Variants in GPHN observed in about 807,000 individuals in gnomAD.
GPHN encodes the protein gephyrin.
In GPHN, 17 loss-of-function variants were observed where a neutral mutation model predicts 95.5. The ratio of observed to expected loss-of-function variants is 0.18; its 90% CI spans 0.12 to 0.27. The LOEUF (loss-of-function observed/expected upper bound fraction) is 0.27. Ranked by LOEUF, GPHN falls within the 10% of genes least tolerant of loss-of-function variation. GPHN has a pLI of 1.00. For missense variants in GPHN, 660 were observed against 978.1 expected, an observed-to-expected ratio of 0.67 and a Z score of 4.34; for synonymous variants, 320 against 322.5, an observed-to-expected ratio of 0.99 and a Z score of 0.08.
At chr14:67,237,108 A>T in the GPHN span, among the ~76,000 whole-genome samples, 10 of 151,298 alleles carry the variant, frequency 6.6e-5, 1 homozygote, top group Admixed American at 5.9e-4. Context: ...AAAATATATT[A>T]TATATATATA....
chr14:66,745,305 A>C (rs980340436), intron 2 of GPHN, among the ~76,000 whole-genome samples: 1 of 152,068 alleles, frequency 6.6e-6, no homozygotes, highest in African/African-American at 2.4e-5. Flanking sequence ...CCTTCTCTCT[A>C]TATATAACTT....
chr14:66,631,241 G>T (rs1041641352), intron 1 of GPHN, among the ~76,000 whole-genome samples: 2 of 151,898 alleles, frequency 1.3e-5, no homozygotes, highest in Admixed American at 1.3e-4. Flanking sequence ...TAGAGACGAG[G>T]TTTCACCATG....
the GPHN span, chr14:67,715,327 G>A: frequency 6.6e-6 from 1 of 152,248 alleles, no homozygotes; most frequent in Non-Finnish European, 1.5e-5. Context: ...GTCATGCTGA[G>A]TATTCTTTAA....
the GPHN span, among the ~76,000 whole-genome samples, chr14:67,469,216 T>A: frequency 6.6e-6 from 1 of 152,290 alleles, no homozygotes; most frequent in South Asian, 2.1e-4. Flanking sequence ...GTCTACTCCA[T>A]CCAGAAAAGC....
At chr14:67,651,576 C>G in the GPHN span, 138 of 1,391,570 alleles carry the variant, frequency 9.9e-5, no homozygotes, top group African/African-American at 1.7e-3. Context: ...GCTGGATACT[C>G]TGAGGCTGTA....
At chr14:67,077,773 C>T (rs898871404) in intron 11 of GPHN, among the ~76,000 whole-genome samples, 3 of 152,118 alleles carry the variant, frequency 2.0e-5, no homozygotes, top group Admixed American at 2.0e-4. Flanking sequence ...CTACTAACAA[C>T]ATAAAAAGAC....
chr14:66,735,331 A>G (rs1027538962), intron 2 of GPHN, among the ~76,000 whole-genome samples: 5 of 152,190 alleles, frequency 3.3e-5, no homozygotes, highest in Non-Finnish European at 7.4e-5. Flanking sequence ...GGTTTTGCAC[A>G]GTTAACTGTG....
intron 2 of GPHN, among the ~76,000 whole-genome samples, chr14:66,740,019 A>G (rs921716800): frequency 1.3e-5 from 2 of 152,182 alleles, no homozygotes; most frequent in African/African-American, 4.8e-5. Context: ...ATACAATTGA[A>G]GAGAGAAATA....
the GPHN span, among the ~76,000 whole-genome samples, chr14:67,243,267 G>C: frequency 7.6e-5 from 11 of 145,472 alleles, no homozygotes; most frequent in Non-Finnish European, 1.5e-4. Context: ...GCTCACTGCA[G>C]TCTCCACCTC....
the GPHN span, among the ~76,000 whole-genome samples, chr14:67,536,431 T>C: frequency 6.6e-6 from 1 of 151,782 alleles, no homozygotes; most frequent in Non-Finnish European, 1.5e-5. Context: ...GTGGAAGTCA[T>C]ACAGATACTC....
intron 1 of GPHN, among the ~76,000 whole-genome samples, chr14:66,630,771 C>A (rs2063765410): frequency 6.6e-6 from 1 of 152,136 alleles, no homozygotes; most frequent in African/African-American, 2.4e-5. Context: ...TGCGCCCAGC[C>A]ATCAGAATCC....
At chr14:67,581,961 G>A in the GPHN span, 7,064 of 1,112,198 alleles carry the variant, frequency 6.4e-3, 53 homozygotes, top group Non-Finnish European at 6.6e-3. Context: ...TAAATAGTGG[G>A]AAAAGAGTAC....
intron 3 of GPHN, among the ~76,000 whole-genome samples, chr14:66,798,357 G>A (rs1201268382): frequency 2.0e-5 from 3 of 151,654 alleles, no homozygotes; most frequent in Non-Finnish European, 3.0e-5. Context: ...GTATTCCCTC[G>A]TCTATTTTTC....
the GPHN span, among the ~76,000 whole-genome samples, chr14:67,299,444 T>C: frequency 6.6e-6 from 1 of 152,210 alleles, no homozygotes; most frequent in Admixed American, 6.5e-5. Context: ...ACATTTAACA[T>C]ACATCATTTT....
At chr14:67,246,583 C>T in the GPHN span, among the ~76,000 whole-genome samples, 1 of 151,628 alleles carries the variant, frequency 6.6e-6, no homozygotes, top group South Asian at 2.1e-4. Context: ...ACAAGGGATC[C>T]TTCCACCTCA....
chr14:67,175,194 G>C (rs2082861173), intron 21 of GPHN, among the ~76,000 whole-genome samples: 1 of 152,086 alleles, frequency 6.6e-6, no homozygotes, highest in Non-Finnish European at 1.5e-5. Flanking sequence ...TTTCTTCTAG[G>C]GTTTTTCTGG....
chr14:66,944,985 A>G (rs112961123), intron 8 of GPHN, among the ~76,000 whole-genome samples: 2,303 of 152,348 alleles, frequency 0.015, 33 homozygotes, highest in Non-Finnish European at 0.018. Context: ...TCTACCCTCC[A>G]AAGAGGTCTG....
At chr14:67,413,649 A>G in the GPHN span, among the ~76,000 whole-genome samples, 1 of 151,108 alleles carries the variant, frequency 6.6e-6, no homozygotes, top group South Asian at 2.1e-4. Flanking sequence ...CCCCAACCCC[A>G]CTCCCACCTG....
Position 67,165,190 on chromosome 14 carries a change from A to T in GPHN, c.1939A>T (p.Ile647Phe), listed in dbSNP as rs754046367. The change falls in exon 20 of 23, where the codon ATT becomes TTT. Residue 647 changes from isoleucine (I) to phenylalanine (F), a missense_variant. Physicochemically the swap from Ile to Phe is conservative, Grantham distance 21 (BLOSUM62 0). Around this residue, in one of 6 missense-constraint regions of GPHN, gnomAD observed 257 missense variants for 376.2 expected, o/e 0.68. Transcript: ENST00000478722. ...GLPTTFATLD[I>F]DGVRKIIFAL... ...GCCAACAACATTTGCAACTTTGGAT[A>T]TTGATGGTGTAAGAAAAATAATCTT... is the stretch of plus-strand genomic sequence containing the variant. 1 of 1,609,892 alleles carries T rather than the reference A, an allele frequency of 6.2e-7. No homozygotes were observed. Among genetic ancestry groups the T allele is most frequent in the Non-Finnish European group, 8.5e-7 (1 of 1,176,336 alleles).
Sources: allele counts gnomAD v4.1 joint callset (sites outside exome capture counted in the v4.1 genomes callset), GRCh38; gene constraint gnomAD v4.1.1; regional missense constraint gnomAD v4.1.1; transcripts MANE v1.5; gene names NCBI Gene and HGNC (gene_info 2026-07-23, HGNC 2026-07-21).